The following OPHN1 variants were observed in gnomAD, a reference collection of about 807,000 sequenced individuals.
OPHN1 encodes oligophrenin-1.
A neutral mutation model predicts 60.7 loss-of-function variants in OPHN1; 11 were observed. That is an observed-to-expected ratio of 0.18 (90% CI 0.11 to 0.30). The LOEUF is 0.30. OPHN1 is among the 10% of genes least tolerant of loss of function. The pLI is 1.00. For synonymous variants in OPHN1, 226 were observed against 222.6 expected (o/e 1.02, Z -0.14); for missense variants, 449 against 611.0 (o/e 0.73, Z 2.80).
At chrX:68,168,558 T>C (rs1372868431) in intron 15 of OPHN1, among the ~76,000 whole-genome samples, 7 of 110,058 alleles carry the variant, frequency 6.4e-5, no homozygotes, top group African/African-American at 1.3e-4. Context: ...GCAGGAAAGA[T>C]CTAAAATTGA....
chrX:68,166,045 C>T (rs2077356662), intron 15 of OPHN1, among the ~76,000 whole-genome samples: 2 of 112,194 alleles, frequency 1.8e-5, no homozygotes, highest in Admixed American at 9.5e-5. Context: ...CATATACACA[C>T]ATTAACTCAA....
At chrX:68,142,927 A>G (rs1165040399) in intron 15 of OPHN1, among the ~76,000 whole-genome samples, 3 of 111,962 alleles carry the variant, frequency 2.7e-5, no homozygotes, top group African/African-American at 9.7e-5. Flanking sequence ...GTTACATCTG[A>G]TTGAAATTTC....
chrX:68,189,857 G>A (rs183770186), intron 15 of OPHN1, among the ~76,000 whole-genome samples: 5 of 110,850 alleles, frequency 4.5e-5, no homozygotes, highest in East Asian at 5.6e-4. Flanking sequence ...TTTAGTAAAC[G>A]ATAGAAGAAA....
At chrX:68,220,084 A>G (rs2077644879) in intron 6 of OPHN1, among the ~76,000 whole-genome samples, 1 of 106,065 alleles carries the variant, frequency 9.4e-6, no homozygotes, top group Non-Finnish European at 2.0e-5. Flanking sequence ...CGCAATAAAA[A>G]ATGATAAAGG....
At chrX:68,409,228 C>A (rs1232714379) in intron 2 of OPHN1, among the ~76,000 whole-genome samples, 1 of 111,431 alleles carries the variant, frequency 9.0e-6, no homozygotes, top group African/African-American at 3.3e-5. Context: ...TGAACTGTAC[C>A]TAAGATTGCG....
chrX:68,356,873 C>T (rs1206830323), intron 2 of OPHN1, among the ~76,000 whole-genome samples: 1 of 111,302 alleles, frequency 9.0e-6, no homozygotes, highest in African/African-American at 3.3e-5. Flanking sequence ...ATCAAAGAAG[C>T]CAGTCACGAA....
chrX:68,217,823 T>C (rs1468882170), intron 6 of OPHN1, among the ~76,000 whole-genome samples: 3 of 75,741 alleles, frequency 4.0e-5, no homozygotes, highest in Non-Finnish European at 9.1e-5. Context: ...ACCACAAAGA[T>C]GGGGAAAAAA....
chrX:68,429,286 C>T (rs1052360414), intron 2 of OPHN1, among the ~76,000 whole-genome samples: 1 of 110,268 alleles, frequency 9.1e-6, no homozygotes, highest in African/African-American at 3.3e-5. Context: ...TTTAACTGGG[C>T]GTGGTGGTAG....
intron 2 of OPHN1, among the ~76,000 whole-genome samples, chrX:68,393,965 G>A (rs1178631949): frequency 1.1e-5 from 1 of 88,619 alleles, no homozygotes; most frequent in African/African-American, 4.1e-5. Flanking sequence ...GCGCGATCTC[G>A]GCTCACTGCA....
intron 3 of OPHN1, among the ~76,000 whole-genome samples, chrX:68,290,932 A>C (rs149498374): frequency 0.012 from 1,382 of 111,797 alleles, 19 homozygotes; most frequent in African/African-American, 0.042. Flanking sequence ...CAGTATACGG[A>C]AGCTAATAAT....
At chrX:68,080,788 A>AT (rs1408350570) in intron 19 of OPHN1, among the ~76,000 whole-genome samples, 1 of 111,938 alleles carries the variant, frequency 8.9e-6, no homozygotes, top group African/African-American at 3.3e-5. Context: ...TCTCCATCAT[A>AT]TTTAAGCCAA....
intron 20 of OPHN1, chrX:68,071,813 G>A (rs2076935961): frequency 2.5e-6 from 1 of 392,789 alleles, no homozygotes; most frequent in Non-Finnish European, 4.5e-6. Context: ...AAGGGAGCCG[G>A]CTGCTGATGT....
intron 2 of OPHN1, among the ~76,000 whole-genome samples, chrX:68,424,334 C>T (rs140506909): frequency 0.016 from 1,765 of 111,650 alleles, 35 homozygotes; most frequent in African/African-American, 0.055. Flanking sequence ...ACTGTATCCC[C>T]AGTTTCCAGG....
At chrX:68,411,689 T>C (rs1356154565) in intron 2 of OPHN1, among the ~76,000 whole-genome samples, 1 of 112,020 alleles carries the variant, frequency 8.9e-6, no homozygotes, top group Non-Finnish European at 1.9e-5. Context: ...GGATGTGTAG[T>C]TTGCAAATAT....
chrX:68,073,430 G>T, intron 19 of OPHN1, 131 bp from the exon 20 acceptor site: 2 of 547,936 alleles, frequency 3.7e-6, no homozygotes. Context: ...ATGACTCAAA[G>T]AATCAGAGAT....
chrX:68,056,859 C>T (rs1484972802), intron 21 of OPHN1, among the ~76,000 whole-genome samples: 1 of 111,246 alleles, frequency 9.0e-6, no homozygotes, highest in Non-Finnish European at 1.9e-5. Context: ...CAGTTGTCTG[C>T]TGTTTTGTTA....
intron 20 of OPHN1, among the ~76,000 whole-genome samples, chrX:68,072,679 A>G (rs1423986668): frequency 9.0e-6 from 1 of 111,502 alleles, no homozygotes; most frequent in East Asian, 2.8e-4. Flanking sequence ...TGTAGTCTCC[A>G]CACTAGCAAT....
chrX:68,306,055 G>A lies in OPHN1; in HGVS notation c.155-6959C>T, dbSNP rs183057678. The stretch of plus-strand genomic sequence containing the variant: ...CCAATTAAAACATACAGTGGTGAGG[G>A]AGCTGCTGAATAAATTCTTCCACTC... On this transcript the variant is annotated intron_variant, in intron 2 of 24. Coordinates refer to ENST00000355520, the MANE Select transcript of OPHN1 (RefSeq NM_002547.3). Among the ~76,000 whole-genome samples the A allele has an allele frequency of 7.2e-3, 811 of 111,958 alleles. 10 individuals are homozygous for A. The highest frequency in any genetic ancestry group is 0.025 in the African/African-American group (762 of 30,916).
At chrX:68,266,385 A>G (rs1421821486) in intron 5 of OPHN1, among the ~76,000 whole-genome samples, 3 of 111,690 alleles carry the variant, frequency 2.7e-5, no homozygotes, top group Non-Finnish European at 5.6e-5. Flanking sequence ...AACATTCTTA[A>G]GGAAAAGAAT....
Sources: allele counts gnomAD v4.1 joint callset (sites outside exome capture counted in the v4.1 genomes callset), GRCh38; gene constraint gnomAD v4.1.1; transcripts MANE v1.5; gene names NCBI Gene and HGNC (gene_info 2026-07-23, HGNC 2026-07-21).